The following ADPRH variants were observed in gnomAD, a reference collection of about 807,000 sequenced individuals.
ADPRH encodes ADP-ribosylarginine hydrolase.
Under a neutral mutation model 28.8 loss-of-function variants are expected in ADPRH, and 27 were observed. The ratio of observed to expected loss-of-function variants is 0.94; its 90% CI spans 0.69 to 1.29. The LOEUF (loss-of-function observed/expected upper bound fraction) is 1.29. Among genes scored for constraint, ADPRH ranks in the 50% most tolerant of loss-of-function variants. The pLI, the probability that ADPRH is intolerant of heterozygous loss-of-function variation, is 0.00. For synonymous variants in ADPRH, 161 were observed against 166.9 expected (o/e 0.96, Z 0.27); for missense variants, 419 against 444.8 (o/e 0.94, Z 0.52).
At chr3:119,585,458 C>T (rs1399086678) in intron 3 of ADPRH, among the ~76,000 whole-genome samples, 1 of 152,246 alleles carries the variant, frequency 6.6e-6, no homozygotes, top group Non-Finnish European at 1.5e-5. Context: ...CACTGCTCCT[C>T]ATCTGAGCCC....
At chr3:119,582,083 GAT>G in intron 2 of ADPRH, 49 bp from the exon 3 acceptor site, 1 of 651,116 alleles carries the variant, frequency 1.5e-6, no homozygotes, top group Non-Finnish European at 2.5e-6. Flanking sequence ...TGTTTTTTCT[GAT>G]TCTTCTTGCT....
In ADPRH at chr3:119,582,165, G is replaced by A; in HGVS notation, c.-5G>A. 3 of 1,594,250 alleles carry A rather than the reference G, an allele frequency of 1.9e-6. No individual in the cohort carries two copies. Among genetic ancestry groups the A allele is most frequent in the Non-Finnish European group, 2.6e-6 (3 of 1,166,216 alleles). On this transcript the variant is annotated 5_prime_UTR_variant, in exon 3 of 5. Transcript: ENST00000357003. ...TCTCCAGAGCCCAGCAATTGTGAGG[G>A]ACTGATGGAGAAGTATGTGGCTGCT...
rs764881415 is a variant in ADPRH, at chr3:119,586,505, T to G, written c.519T>G (p.Leu173=). The part of the protein sequence containing the change: ...HHHPTGYLGA[L]ASALFTAYAV... Reference sequence around the variant, plus strand: ...ACCCAACAGGCTACCTGGGGGCCCTTGCGTCTGCTCTTTTTACAGCCTATG... The same window carrying G: ...ACCCAACAGGCTACCTGGGGGCCCTGGCGTCTGCTCTTTTTACAGCCTATG... The change falls in exon 4 of 5, where the codon CTT becomes CTG. Residue 173 remains leucine (L), a synonymous_variant. Transcript: ENST00000357003. The G allele has an allele frequency of 3.7e-6, 6 of 1,614,136 alleles. No individual in the cohort carries two copies. Among genetic ancestry groups the G allele is most frequent in the South Asian group, 1.1e-5 (1 of 91,094 alleles).
intron 3 of ADPRH, among the ~76,000 whole-genome samples, chr3:119,582,953 G>C (rs980385112): frequency 1.3e-5 from 2 of 152,214 alleles, no homozygotes; most frequent in Admixed American, 1.3e-4. Context: ...ATGATCTGTG[G>C]TGGAACAGTT....
rs1051545202 is a variant in ADPRH at position 119,588,518 on chromosome 3, C to T, written c.*640C>T. ...AACTCCCTGGTAATTCTTGGCTTAC[C>T]CTTTGTACAAACCAAACCTTAGTGT... On this transcript the variant is annotated 3_prime_UTR_variant, in exon 5 of 5. Coordinates refer to ENST00000357003, the MANE Select transcript of ADPRH (RefSeq NM_001125.4). The T allele has an allele frequency of 6.6e-6, 1 of 152,226 alleles. No individual in the cohort carries two copies. The highest frequency in any genetic ancestry group is 2.4e-5 in the African/African-American group (1 of 41,442). 9.4% of individuals were successfully genotyped at this position (152,226 alleles called of 1,614,324 possible).
chr3:119,581,000 G>C (rs929122478), intron 2 of ADPRH, among the ~76,000 whole-genome samples: 1 of 151,532 alleles, frequency 6.6e-6, no homozygotes, highest in Non-Finnish European at 1.5e-5. Flanking sequence ...ATTTTCCCTG[G>C]TTGTATATGA....
intron 3 of ADPRH, among the ~76,000 whole-genome samples, chr3:119,582,813 G>T (rs1252722443): frequency 6.6e-6 from 1 of 152,208 alleles, no homozygotes; most frequent in East Asian, 1.9e-4. Context: ...GGGCGAAGGA[G>T]CATCATCACC....
chr3:119,585,213 C>CA (rs975003156), intron 3 of ADPRH, among the ~76,000 whole-genome samples: 8 of 152,084 alleles, frequency 5.3e-5, no homozygotes, highest in Non-Finnish European at 1.0e-4. Context: ...CAAGTGGAAA[C>CA]TTTTTTTTGT....
At position 119,582,127 on chromosome 3, in the gene ADPRH, C is replaced by A. The variant is rs750525007; in HGVS notation, c.-36-7C>A. 1 of 1,526,140 alleles carries A rather than the reference C, an allele frequency of 6.6e-7. No individual in the cohort carries two copies. Among genetic ancestry groups the A allele is most frequent in the South Asian group, 1.3e-5 (1 of 78,718 alleles). 94.5% of individuals were successfully genotyped at this position (1,526,140 alleles called of 1,614,324 possible). Reference sequence around the variant, plus strand: ...CCTATTTCCTTTGTCTTAATTTCCCCACAAAGACACCCTCTCCAGAGCCCA... The same window carrying A: ...CCTATTTCCTTTGTCTTAATTTCCCAACAAAGACACCCTCTCCAGAGCCCA... On this transcript the variant is annotated splice_polypyrimidine_tract_variant and splice_region_variant and intron_variant, in intron 2 of 4. Coordinates refer to ENST00000357003, the MANE Select transcript of ADPRH (RefSeq NM_001125.4).
In ADPRH at chr3:119,586,294, C is replaced by A. The variant is rs367735796; in HGVS notation, c.308C>A (p.Ser103Ter). The A allele has an allele frequency of 1.2e-6, 2 of 1,612,976 alleles. No homozygotes were observed. Among genetic ancestry groups the A allele is most frequent in the Non-Finnish European group, 1.7e-6 (2 of 1,180,038 alleles). ...TCCGACTCTTCCCCAGGTGGTGCCTCGGTGCACAACGCCATGCAGCTGAAG... is the reference window on the plus strand; with the variant it reads ...TCCGACTCTTCCCCAGGTGGTGCCTAGGTGCACAACGCCATGCAGCTGAAG... ...DMDGRAPGGA[S>*]VHNAMQLKPG... Residue 103 changes from serine (S) to a stop codon, truncating the protein, a stop_gained, in exon 4 of 5, where the codon TCG becomes TAG. Coordinates refer to ENST00000357003, the MANE Select transcript of ADPRH (RefSeq NM_001125.4). LOFTEE classifies it high-confidence loss of function.
chr3:119,586,455 G>GA lies in ADPRH; in HGVS notation c.470dup (p.Ser158GlufsTer28). The stretch of plus-strand genomic sequence containing the variant: ...GGACACACTGATCCAAGTGAGCATC[G>GA]AGAGTGGTCGGATGACCCACCACCA... On this transcript the variant is annotated frameshift_variant, in exon 4 of 5. Coordinates refer to ENST00000357003, the MANE Select transcript of ADPRH (RefSeq NM_001125.4). LOFTEE classifies it high-confidence loss of function. 6.2e-7 allele frequency: 1 copy of GA among 1,614,112 alleles called. No homozygotes were observed. The highest frequency in any genetic ancestry group is 8.5e-7 in the Non-Finnish European group (1 of 1,180,012).
Position 119,587,811 on chromosome 3 carries a change from G to T in ADPRH, c.1007G>T (p.Arg336Leu). ...TATGAGAAACTAGAATACAGAAACCGGCTGGAAGAGACAGCTAGGGCTTTA... is the reference window on the plus strand; with the variant it reads ...TATGAGAAACTAGAATACAGAAACCTGCTGGAAGAGACAGCTAGGGCTTTA... ...SNYEKLEYRN[R>L]LEETARALYS... is the part of the protein sequence containing the mutation. The change falls in exon 5 of 5, where the codon CGG (arginine) becomes CTG (leucine). Residue 336 changes from arginine to leucine, a missense_variant. Physicochemically the swap from Arg to Leu is moderately radical, Grantham distance 102 (BLOSUM62 -2). Transcript: ENST00000357003. The T allele has an allele frequency of 1.2e-6, 2 of 1,614,014 alleles. No individual in the cohort carries two copies. The highest frequency in any genetic ancestry group is 3.3e-4 in the Middle Eastern group (2 of 6,060).
chr3:119,585,341 C>A (rs2082448146), intron 3 of ADPRH, among the ~76,000 whole-genome samples: 1 of 152,198 alleles, frequency 6.6e-6, no homozygotes, highest in Non-Finnish European at 1.5e-5. Flanking sequence ...TCACAGGTCC[C>A]CAGTAGGACA....
At chr3:119,582,092 T>C in intron 2 of ADPRH, 42 bp from the exon 3 acceptor site, 2 of 1,426,260 alleles carry the variant, frequency 1.4e-6, no homozygotes, top group Non-Finnish European at 1.9e-6. Flanking sequence ...TGATTCTTCT[T>C]GCTCCTCATC....
At chr3:119,584,298 C>T (rs997457563) in intron 3 of ADPRH, among the ~76,000 whole-genome samples, 1 of 151,822 alleles carries the variant, frequency 6.6e-6, no homozygotes, top group Non-Finnish European at 1.5e-5. Flanking sequence ...CATGGTGGCT[C>T]ATGCCTGTAA....
At chr3:119,586,202 G>A in intron 3 of ADPRH, 83 bp from the exon 4 acceptor site, 1 of 1,567,024 alleles carries the variant, frequency 6.4e-7, no homozygotes, top group Non-Finnish European at 8.7e-7. Context: ...AAAATACTTG[G>A]AGACAGAGTT....
At chr3:119,583,068 A>T (rs2629402) in intron 3 of ADPRH, among the ~76,000 whole-genome samples, 34,267 of 151,884 alleles carry the variant, frequency 0.23, 4,363 homozygotes, top group African/African-American at 0.33. Flanking sequence ...CCAGAAAAAA[A>T]TTTTTAAAAC....
intron 3 of ADPRH, among the ~76,000 whole-genome samples, chr3:119,583,240 G>C (rs1482965823): frequency 6.6e-6 from 1 of 151,994 alleles, no homozygotes; most frequent in Non-Finnish European, 1.5e-5. Context: ...AAAAAATAAA[G>C]AAATAAATAG....
chr3:119,586,111 A>G (rs2082456079), intron 3 of ADPRH, among the ~76,000 whole-genome samples, 174 bp from the exon 4 acceptor site: 1 of 152,242 alleles, frequency 6.6e-6, no homozygotes, highest in Admixed American at 6.5e-5. Context: ...AGGGTTATAC[A>G]TAAAGAAAGG....
Sources: allele counts gnomAD v4.1 joint callset (sites outside exome capture counted in the v4.1 genomes callset), GRCh38; gene constraint gnomAD v4.1.1; transcripts MANE v1.5; gene names NCBI Gene and HGNC (gene_info 2026-07-23, HGNC 2026-07-21).